The following BNC2 variants were observed in gnomAD, a reference collection of about 807,000 sequenced individuals.
BNC2 encodes basonuclin zinc finger protein 2.
Under a neutral mutation model 76.3 loss-of-function variants are expected in BNC2, and 20 were observed. The ratio of observed to expected loss-of-function variants is 0.26; its 90% CI spans 0.18 to 0.38. The LOEUF is 0.38. Among genes scored for constraint, BNC2 ranks in the 10% least tolerant of loss-of-function variants. The probability of loss-of-function intolerance (pLI) is 1.00; values close to 1 mark genes in which losing one functional copy is unlikely to be tolerated. For missense variants in BNC2, 1,382 were observed against 1,399.8 expected, an observed-to-expected ratio of 0.99 and a Z score of 0.20; for synonymous variants, 582 against 514.8, an observed-to-expected ratio of 1.13 and a Z score of -1.77.
At chr9:16,702,540 A>T (rs1392219115) in intron 3 of BNC2, among the ~76,000 whole-genome samples, 1 of 28,678 alleles carries the variant, frequency 3.5e-5, no homozygotes, top group African/African-American at 5.5e-5. Flanking sequence ...TCTTTACTTA[A>T]AAAAAAAAAA....
intron 5 of BNC2, among the ~76,000 whole-genome samples, chr9:16,495,385 C>T (rs1280507748): frequency 6.6e-6 from 1 of 152,118 alleles, no homozygotes; most frequent in African/African-American, 2.4e-5. Flanking sequence ...GGCTCAAAGG[C>T]CAAAAGACCA....
At chr9:16,482,875 A>C (rs1402986606) in intron 5 of BNC2, among the ~76,000 whole-genome samples, 2 of 152,182 alleles carry the variant, frequency 1.3e-5, no homozygotes, top group Non-Finnish European at 2.9e-5. Flanking sequence ...AGTCATGCAA[A>C]GGTCCGGGGC....
chr9:16,678,267 CTTTTTT>C lies in BNC2; in HGVS notation c.330+49524_330+49529del, dbSNP rs140809930. ...ACTTGTAACTGTTTTCTTTCTTTTT[CTTTTTT>C]TTTTTTTTTTTTTTTTTTTTTTTGA... On this transcript the variant is annotated intron_variant, in intron 3 of 6. Transcript: ENST00000380672. 7.4e-4 allele frequency among the ~76,000 whole-genome samples: 60 copies of C among 80,738 alleles called. 3 individuals carry two copies. In the South Asian group the frequency reaches 0.019, roughly 25 times the overall value. 53.0% of individuals were successfully genotyped at this position (80,738 alleles called of 152,430 possible). A position where few individuals can be genotyped will look rare whatever the true frequency, so the allele number is the denominator to read the frequency against.
chr9:16,662,514 T>C (rs1463211827), intron 3 of BNC2, among the ~76,000 whole-genome samples: 2 of 152,160 alleles, frequency 1.3e-5, no homozygotes, highest in Admixed American at 1.3e-4. Context: ...GGCAGGTGCA[T>C]CACCTGAGGT....
At chr9:16,710,084 G>A (rs1823792128) in intron 3 of BNC2, among the ~76,000 whole-genome samples, 1 of 151,646 alleles carries the variant, frequency 6.6e-6, no homozygotes, top group African/African-American at 2.4e-5. Context: ...CTGATGAATG[G>A]AAATGAGATG....
At chr9:16,837,366 T>C (rs1365136905) in intron 1 of BNC2, among the ~76,000 whole-genome samples, 1 of 152,078 alleles carries the variant, frequency 6.6e-6, no homozygotes, top group Admixed American at 6.5e-5. Context: ...TAGCCGAGCG[T>C]GGTGGCAGGC....
rs538738071 is a variant in BNC2 at position 16,591,344 on chromosome 9, G to A, written c.331-8259C>T. Among the ~76,000 whole-genome samples the A allele has an allele frequency of 4.6e-5, 7 of 152,276 alleles. No homozygotes were observed. The East Asian group carries it at 1.4e-3, about 29-fold the overall frequency. The stretch of plus-strand genomic sequence containing the variant: ...AAGAATATCCACCTGTTGTACTGAA[G>A]AGTTTTGCAACCAAGTATCAAAAGG... On this transcript the variant is annotated intron_variant, in intron 3 of 6. Coordinates refer to ENST00000380672, the MANE Select transcript of BNC2 (RefSeq NM_017637.6).
rs1225466661 is a variant in BNC2 at position 16,416,698 on chromosome 9, T to G, written c.*2291A>C. On this transcript the variant is annotated 3_prime_UTR_variant, in exon 7 of 7. Coordinates refer to ENST00000380672, the MANE Select transcript of BNC2 (RefSeq NM_017637.6). ...CCGTAGAACAAATGAAGAATTAAAA[T>G]GGACCCCATAGCATCCTCTGAAGGA... The G allele has an allele frequency of 6.6e-6, 1 of 152,650 alleles. No homozygotes were observed. Among genetic ancestry groups the G allele is most frequent in the African/African-American group, 2.4e-5 (1 of 41,466 alleles). The allele number at this position is 152,650 out of a possible 1,614,324, so 9.5% of individuals were successfully genotyped here. A position where few individuals can be genotyped will look rare whatever the true frequency, so the allele number is the denominator to read the frequency against.
At chr9:16,667,406 C>A (rs1822332688) in intron 3 of BNC2, among the ~76,000 whole-genome samples, 1 of 152,120 alleles carries the variant, frequency 6.6e-6, no homozygotes, top group Non-Finnish European at 1.5e-5. Flanking sequence ...ACAACTAAAG[C>A]ATTGTTACTG....
rs545965856 is a variant in BNC2, at chr9:16,413,257, T to G, written c.*5732A>C. Reference sequence around the variant, plus strand: ...GCACTTTAGAGGAGAAGAATAAAGATAGTTTTATGACAACTATAGTATGTT... The same window carrying G: ...GCACTTTAGAGGAGAAGAATAAAGAGAGTTTTATGACAACTATAGTATGTT... On this transcript the variant is annotated 3_prime_UTR_variant, in exon 7 of 7. Transcript: ENST00000380672. 3 of 152,092 alleles carry G rather than the reference T, an allele frequency of 2.0e-5. No homozygotes were observed. The highest frequency in any genetic ancestry group is 6.6e-5 in the Admixed American group (1 of 15,264). 9.4% of individuals were successfully genotyped at this position (152,092 alleles called of 1,614,324 possible). A position where few individuals can be genotyped will look rare whatever the true frequency, so the allele number is the denominator to read the frequency against.
chr9:16,825,044 C>CT (rs56055394), intron 1 of BNC2, among the ~76,000 whole-genome samples: 104,076 of 148,840 alleles, frequency 0.7, 36,756 homozygotes, highest in Middle Eastern at 0.78. Context: ...TCTTACCCCT[C>CT]TTTTTTTTTT....
At chr9:16,583,980 A>G (rs551834419) in intron 3 of BNC2, among the ~76,000 whole-genome samples, 1 of 152,348 alleles carries the variant, frequency 6.6e-6, no homozygotes, top group African/African-American at 2.4e-5. Flanking sequence ...ATAAAAACCT[A>G]TGTTTAAGAA....
Position 16,494,010 on chromosome 9 carries a change from T to C in BNC2, c.670-56486A>G, listed in dbSNP as rs185542824. On this transcript the variant is annotated intron_variant, in intron 5 of 6. Transcript: ENST00000380672. ...CCACTCAACTAATAGGTCTTGACCA[T>C]ATGCTGCATGTTTGGTTTTGTCCTA... Among the ~76,000 whole-genome samples the C allele has an allele frequency of 2.0e-3, 306 of 152,270 alleles. 1 individual carries two copies. Among genetic ancestry groups the C allele is most frequent in the African/African-American group, 6.8e-3 (282 of 41,532 alleles).
chr9:16,669,749 A>C (rs370970358), intron 3 of BNC2, among the ~76,000 whole-genome samples: 1 of 152,226 alleles, frequency 6.6e-6, no homozygotes, highest in Admixed American at 6.5e-5. Context: ...TAAGCAGTAC[A>C]TATTTCTTTA....
At position 16,414,698 on chromosome 9, in the gene BNC2, G is replaced by A. The variant is rs978542319; in HGVS notation, c.*4291C>T. The A allele has an allele frequency of 3.9e-5, 6 of 152,304 alleles. No individual in the cohort carries two copies. Among genetic ancestry groups the A allele is most frequent in the African/African-American group, 1.4e-4 (6 of 41,554 alleles). The allele number at this position is 152,304 out of a possible 1,614,324, so 9.4% of individuals were successfully genotyped here. On this transcript the variant is annotated 3_prime_UTR_variant, in exon 7 of 7. Coordinates refer to ENST00000380672, the MANE Select transcript of BNC2 (RefSeq NM_017637.6). Reference sequence around the variant, plus strand: ...ACCAGATACAAGTTAGGACTGCTCAGGTCAAGCTGTCAGCAGTTAGCAGCA... The same window carrying A: ...ACCAGATACAAGTTAGGACTGCTCAAGTCAAGCTGTCAGCAGTTAGCAGCA...
Position 16,412,510 on chromosome 9 carries a change from G to A in BNC2, c.*6479C>T, listed in dbSNP as rs1178127426. On this transcript the variant is annotated 3_prime_UTR_variant, in exon 7 of 7. Coordinates refer to ENST00000380672, the MANE Select transcript of BNC2 (RefSeq NM_017637.6). ...CACCCATTACTCTCAAGATGGAATT[G>A]TTAACACTTAAGTTTTCAAAGAAGC... is the stretch of plus-strand genomic sequence containing the variant. 6.6e-6 allele frequency: 1 copy of A among 152,552 alleles called. No individual in the cohort carries two copies. The highest frequency in any genetic ancestry group is 1.5e-5 in the Non-Finnish European group (1 of 68,028). The allele number at this position is 152,552 out of a possible 1,614,324, so 9.4% of individuals were successfully genotyped here. A position where few individuals can be genotyped will look rare whatever the true frequency, so the allele number is the denominator to read the frequency against.
At chr9:16,489,364 T>A (rs1822226570) in intron 5 of BNC2, among the ~76,000 whole-genome samples, 1 of 152,236 alleles carries the variant, frequency 6.6e-6, no homozygotes, top group Non-Finnish European at 1.5e-5. Flanking sequence ...GCTACTGTGC[T>A]AGACAGCATA....
intron 2 of BNC2, among the ~76,000 whole-genome samples, chr9:16,733,896 A>G (rs1824583999): frequency 2.0e-5 from 3 of 152,146 alleles, no homozygotes; most frequent in Admixed American, 1.3e-4. Flanking sequence ...AAAAAAAAAA[A>G]AGATTCACCT....
chr9:16,682,205 T>C (rs538587870), intron 3 of BNC2, among the ~76,000 whole-genome samples: 3 of 151,466 alleles, frequency 2.0e-5, no homozygotes, highest in African/African-American at 2.4e-5. Context: ...GCTGGCTTCA[T>C]TGTGAGTTCA....
Sources: gnomAD v4.1 joint callset for allele counts (sites outside exome capture counted in the v4.1 genomes callset) on GRCh38, gnomAD v4.1.1 for gene constraint, MANE v1.5 for transcripts, NCBI Gene and HGNC (gene_info 2026-07-23, HGNC 2026-07-21) for gene names.